DGKG: variants seen among roughly 807,000 people sequenced by gnomAD.
DGKG encodes the protein diacylglycerol kinase gamma.
A neutral mutation model predicts 105.3 loss-of-function variants in DGKG; 78 were observed. The observed-to-expected ratio is 0.74, with a 90% CI of 0.62 to 0.89. DGKG has a LOEUF of 0.89. Among genes scored for constraint, DGKG ranks in the 40% least tolerant of loss-of-function variants. DGKG has a pLI of 0.00. For missense variants in DGKG, 958 were observed against 1,020.1 expected (o/e 0.94, Z 0.83); for synonymous variants, 346 against 367.1 (o/e 0.94, Z 0.66).
At chr3:186,255,454 G>T (rs937013159) in intron 17 of DGKG, among the ~76,000 whole-genome samples, 1 of 152,242 alleles carries the variant, frequency 6.6e-6, no homozygotes, top group African/African-American at 2.4e-5. Flanking sequence ...CCCTGAGTAA[G>T]CCACATGTCA....
chr3:186,175,904 T>G (rs1717055416), intron 22 of DGKG, among the ~76,000 whole-genome samples: 1 of 152,146 alleles, frequency 6.6e-6, no homozygotes, highest in Non-Finnish European at 1.5e-5. Context: ...TATCCCAACT[T>G]AACAACAACA....
chr3:186,178,912 A>G (rs1717223333), intron 22 of DGKG, among the ~76,000 whole-genome samples: 1 of 152,214 alleles, frequency 6.6e-6, no homozygotes, highest in Non-Finnish European at 1.5e-5. Flanking sequence ...TGATAGGTCA[A>G]TTAACCTCCC....
intron 22 of DGKG, among the ~76,000 whole-genome samples, chr3:186,187,688 A>C (rs71320333): frequency 0.057 from 8,732 of 152,280 alleles, 353 homozygotes; most frequent in Non-Finnish European, 0.093. Flanking sequence ...AAGTACAGAC[A>C]GTGAAGAGAA....
chr3:186,255,756 C>T (rs1409443831), intron 17 of DGKG, among the ~76,000 whole-genome samples: 1 of 152,172 alleles, frequency 6.6e-6, no homozygotes, highest in Non-Finnish European at 1.5e-5. Flanking sequence ...CACCCAGTGA[C>T]ATGCAGGAAA....
At chr3:186,331,174 A>C (rs1725585283) in intron 1 of DGKG, among the ~76,000 whole-genome samples, 1 of 152,272 alleles carries the variant, frequency 6.6e-6, no homozygotes, top group South Asian at 2.1e-4. Flanking sequence ...TTTCTAATTA[A>C]TAAGCAAGAA....
At chr3:186,269,508 T>C (rs1722215079) in intron 11 of DGKG, among the ~76,000 whole-genome samples, 2 of 152,198 alleles carry the variant, frequency 1.3e-5, no homozygotes, top group Admixed American at 1.3e-4. Flanking sequence ...GTACCCACAA[T>C]TGGGTAATGC....
chr3:186,185,418 C>T (rs528061353), intron 22 of DGKG, among the ~76,000 whole-genome samples: 3 of 152,306 alleles, frequency 2.0e-5, no homozygotes, highest in African/African-American at 7.2e-5. Flanking sequence ...AATCAGCAGA[C>T]ACTTTGGTCT....
intron 19 of DGKG, 158 bp from the exon 20 acceptor site, chr3:186,242,726 G>T: frequency 1.8e-6 from 1 of 567,290 alleles, no homozygotes; most frequent in Non-Finnish European, 3.1e-6. Flanking sequence ...AGCCAACAGA[G>T]GCTCAACACT....
At chr3:186,302,503 T>TATAC (rs1338293047) in intron 3 of DGKG, among the ~76,000 whole-genome samples, 25 of 8,848 alleles carry the variant, frequency 2.8e-3, no homozygotes, top group Non-Finnish European at 4.9e-3. Context: ...TATATATATA[T>TATAC]ATACATATGT....
At chr3:186,201,157 CT>C (rs571499704) in intron 21 of DGKG, among the ~76,000 whole-genome samples, 453 of 144,964 alleles carry the variant, frequency 3.1e-3, no homozygotes, top group Middle Eastern at 3.6e-3. Context: ...CTCTTTCTTT[CT>C]TTTTTTTTTT....
chr3:186,286,906 C>A (rs1296889764), intron 6 of DGKG, among the ~76,000 whole-genome samples: 2 of 151,962 alleles, frequency 1.3e-5, no homozygotes, highest in African/African-American at 4.8e-5. Context: ...TAGCGGCGGG[C>A]ACCTGTAATC....
intron 20 of DGKG, among the ~76,000 whole-genome samples, chr3:186,229,398 C>A (rs1215983881): frequency 2.0e-5 from 3 of 152,046 alleles, no homozygotes; most frequent in Non-Finnish European, 4.4e-5. Context: ...CCACCCGCCA[C>A]CATGCCCGGC....
intron 21 of DGKG, among the ~76,000 whole-genome samples, chr3:186,211,291 C>G (rs1719027324): frequency 6.6e-6 from 1 of 152,230 alleles, no homozygotes; most frequent in Admixed American, 6.5e-5. Context: ...TGCACACCCA[C>G]AAAACTGACC....
At chr3:186,238,561 T>A (rs180745238) in intron 20 of DGKG, among the ~76,000 whole-genome samples, 2 of 152,310 alleles carry the variant, frequency 1.3e-5, no homozygotes, top group East Asian at 3.9e-4. Context: ...TCCAGATCAC[T>A]TTCAAACACT....
intron 22 of DGKG, among the ~76,000 whole-genome samples, chr3:186,174,376 T>C (rs73887771): frequency 0.01 from 1,526 of 151,994 alleles, 37 homozygotes; most frequent in African/African-American, 0.035. Flanking sequence ...TAGATGGTAA[T>C]TAATGTAACT....
At chr3:186,154,559 C>T (rs1715933128) in intron 24 of DGKG, among the ~76,000 whole-genome samples, 1 of 148,322 alleles carries the variant, frequency 6.7e-6, no homozygotes, top group Non-Finnish European at 1.5e-5. Flanking sequence ...GCAGGAGAAT[C>T]ACTTGAACCT....
chr3:186,149,284 A>G lies in DGKG; in HGVS notation c.*806T>C. 2.0e-6 allele frequency: 2 copies of G among 985,346 alleles called. No individual in the cohort carries two copies. The highest frequency in any genetic ancestry group is 2.4e-6 in the Non-Finnish European group (2 of 829,900). 61.0% of individuals were successfully genotyped at this position (985,346 alleles called of 1,614,324 possible). A position where few individuals can be genotyped will look rare whatever the true frequency, so the allele number is the denominator to read the frequency against. On this transcript the variant is annotated 3_prime_UTR_variant, in exon 25 of 25. Coordinates refer to ENST00000265022, the MANE Select transcript of DGKG (RefSeq NM_001346.3). ...ACACAATATTATGACACCAATTTGA[A>G]AAATAAATCCCAGTTTCTCCGCTCT...
At chr3:186,184,673 T>C (rs1383823647) in intron 22 of DGKG, among the ~76,000 whole-genome samples, 1 of 152,164 alleles carries the variant, frequency 6.6e-6, no homozygotes, top group Admixed American at 6.5e-5. Flanking sequence ...GTGCTGGGAT[T>C]ACAGGTGTGA....
intron 20 of DGKG, among the ~76,000 whole-genome samples, chr3:186,223,041 T>TA (rs1719673534): frequency 2.7e-4 from 16 of 59,270 alleles, no homozygotes; most frequent in East Asian, 2.5e-3. Flanking sequence ...ATATGTCTCA[T>TA]GATATACACT....
Sources: gnomAD v4.1 joint callset for allele counts (sites outside exome capture counted in the v4.1 genomes callset) on GRCh38, gnomAD v4.1.1 for gene constraint, MANE v1.5 for transcripts, NCBI Gene and HGNC (gene_info 2026-07-23, HGNC 2026-07-21) for gene names.